The following GYG1 variants were observed in gnomAD, a reference collection of about 807,000 sequenced individuals.
The protein encoded by GYG1 is glycogenin 1, also known as glycogenin-1.
Under a neutral mutation model 41.9 loss-of-function variants are expected in GYG1, and 44 were observed. The ratio of observed to expected loss-of-function variants is 1.05; its 90% CI spans 0.83 to 1.35. The LOEUF (loss-of-function observed/expected upper bound fraction) is 1.35. Among genes scored for constraint, GYG1 ranks in the 40% most tolerant of loss-of-function variants. The pLI, the probability that GYG1 is intolerant of heterozygous loss-of-function variation, is 0.00. For missense variants in GYG1, 429 were observed against 418.9 expected (o/e 1.02, Z -0.21); for synonymous variants, 141 against 158.1 (o/e 0.89, Z 0.81).
chr3:149,030,661 C>T lies in GYG1; in HGVS notation c.*3728C>T, dbSNP rs936946059. The T allele has an allele frequency of 1.3e-5, 2 of 152,144 alleles. No homozygotes were observed. The highest frequency in any genetic ancestry group is 3.9e-4 in the East Asian group (2 of 5,194). 9.4% of individuals were successfully genotyped at this position (152,144 alleles called of 1,614,324 possible). A position where few individuals can be genotyped will look rare whatever the true frequency, so the allele number is the denominator to read the frequency against. ...ATGCTTGATCTACCAGGTAACTTCC[C>T]AACTGCTCCTAATGCTAGCGGGCTA... On this transcript the variant is annotated 3_prime_UTR_variant, in exon 8 of 8. Transcript: ENST00000345003.
chr3:149,025,294 C>T (rs1269212101), intron 6 of GYG1, among the ~76,000 whole-genome samples: 3 of 152,188 alleles, frequency 2.0e-5, no homozygotes, highest in Admixed American at 2.0e-4. Context: ...AAGGAGCACA[C>T]AACCTAGATC....
chr3:148,996,241 C>G, intron 2 of GYG1, 61 bp from the exon 3 acceptor site: 1 of 1,179,222 alleles, frequency 8.5e-7, no homozygotes, highest in Non-Finnish European at 1.3e-6. Flanking sequence ...AGTCTTACAG[C>G]AGATGGGTCA....
intron 4 of GYG1, chr3:149,003,965 C>T (rs1235545518): frequency 4.6e-5 from 7 of 152,188 alleles, no homozygotes; most frequent in Non-Finnish European, 8.8e-5. Context: ...AACAAATAGG[C>T]CCAGTTTCTG....
intron 5 of GYG1, among the ~76,000 whole-genome samples, chr3:149,016,393 A>G (rs1714044128): frequency 6.6e-6 from 1 of 152,150 alleles, no homozygotes; most frequent in African/African-American, 2.4e-5. Flanking sequence ...GAATGAATGA[A>G]TGAGCAATCA....
chr3:148,996,390 C>A lies in GYG1; in HGVS notation c.232C>A (p.Pro78Thr). 1 of 1,612,418 alleles carries A rather than the reference C, an allele frequency of 6.2e-7. No individual in the cohort carries two copies. The highest frequency in any genetic ancestry group is 8.5e-7 in the Non-Finnish European group (1 of 1,179,036). ...DSAHLTLMKR[P>T]ELGVTLTKLH... The stretch of plus-strand genomic sequence containing the variant: ...TGCTCATCTAACCTTAATGAAGAGG[C>A]CAGAGTTGGGTGTCACGCTGACAAA... Residue 78 changes from proline to threonine, a missense_variant, in exon 3 of 8, where the codon CCA becomes ACA. Physicochemically the swap from Pro to Thr is conservative, Grantham distance 38. Transcript: ENST00000345003.
chr3:148,996,542 A>G (rs966878191), intron 3 of GYG1, 66 bp downstream of exon 3: 25 of 1,382,962 alleles, frequency 1.8e-5, no homozygotes, highest in Admixed American at 8.4e-5. Context: ...ACCTGTAGGC[A>G]TTTGAGGAAT....
intron 4 of GYG1, 68 bp downstream of exon 4, chr3:148,996,972 G>A (rs1218269654): frequency 8.7e-7 from 1 of 1,154,298 alleles, no homozygotes; most frequent in Admixed American, 1.7e-5. Context: ...CTCTTCTCAG[G>A]AATATAATTG....
chr3:149,010,994 A>G (rs1009061486), intron 5 of GYG1, among the ~76,000 whole-genome samples: 1 of 152,186 alleles, frequency 6.6e-6, no homozygotes, highest in African/African-American at 2.4e-5. Context: ...TTTTCTGGGA[A>G]GACTCTATCA....
chr3:149,003,984 A>G (rs1207277627), intron 4 of GYG1: 3 of 152,254 alleles, frequency 2.0e-5, no homozygotes, highest in South Asian at 4.1e-4. Context: ...TGATAAATGC[A>G]TCCATGGTTA....
chr3:148,994,181 C>T lies in GYG1; in HGVS notation c.47C>T (p.Ala16Val). 6.2e-7 allele frequency: 1 copy of T among 1,613,846 alleles called. No homozygotes were observed. Residue 16 changes from alanine (A) to valine (V), a missense_variant, in exon 2 of 8, where the codon GCC (alanine) becomes GTC (valine). Physicochemically the swap from Ala to Val is moderately conservative, Grantham distance 64. Transcript: ENST00000345003. ...FVTLTTNDAY[A>V]KGALVLGSSL... ...ACACTAACCACAAACGATGCCTACGCCAAAGGTGCCCTGGTCCTGGGATCA... is the reference window on the plus strand; with the variant it reads ...ACACTAACCACAAACGATGCCTACGTCAAAGGTGCCCTGGTCCTGGGATCA...
At chr3:149,014,045 A>C (rs1426064958) in intron 5 of GYG1, among the ~76,000 whole-genome samples, 1 of 152,192 alleles carries the variant, frequency 6.6e-6, no homozygotes, top group African/African-American at 2.4e-5. Context: ...CTTGGAGTCT[A>C]ATCCACTTAG....
intron 5 of GYG1, among the ~76,000 whole-genome samples, chr3:149,019,585 G>C (rs1021637714): frequency 6.6e-6 from 1 of 152,200 alleles, no homozygotes; most frequent in African/African-American, 2.4e-5. Flanking sequence ...TCTATGAAAG[G>C]ACTATCCAGT....
intron 6 of GYG1, among the ~76,000 whole-genome samples, chr3:149,025,115 T>C (rs1231529726): frequency 2.6e-5 from 4 of 152,226 alleles, no homozygotes; most frequent in Admixed American, 2.6e-4. Flanking sequence ...GCATTCTTAC[T>C]CTGAGTTCTT....
chr3:148,996,954 A>T, intron 4 of GYG1, 50 bp downstream of exon 4: 1 of 1,349,716 alleles, frequency 7.4e-7, no homozygotes, highest in South Asian at 1.2e-5. Context: ...AGTAATTTCT[A>T]GGGGCTGCTC....
chr3:148,993,315 CG>C (rs1228925059), intron 1 of GYG1, among the ~76,000 whole-genome samples: 1 of 44,134 alleles, frequency 2.3e-5, no homozygotes, highest in African/African-American at 1.0e-4. Flanking sequence ...TTGGTTTGGG[CG>C]GGGGGAGGGG....
rs1468485978 is a variant in GYG1 at position 149,030,066 on chromosome 3, CAATT to C, written c.*3137_*3140del. Reference sequence around the variant, plus strand: ...ATGTAACACTTGCATAGAAATGTCACAATTAATGAAGGATTTTATTTGAAGATAA... The same window carrying C: ...ATGTAACACTTGCATAGAAATGTCACAATGAAGGATTTTATTTGAAGATAA... On this transcript the variant is annotated 3_prime_UTR_variant, in exon 8 of 8. Transcript: ENST00000345003. 6.6e-6 allele frequency: 1 copy of C among 152,092 alleles called. No homozygotes were observed. The highest frequency in any genetic ancestry group is 1.5e-5 in the Non-Finnish European group (1 of 68,002). The allele number at this position is 152,092 out of a possible 1,614,324, so 9.4% of individuals were successfully genotyped here. A position where few individuals can be genotyped will look rare whatever the true frequency, so the allele number is the denominator to read the frequency against.
chr3:148,996,739 C>G lies in GYG1; in HGVS notation c.319-3C>G. 6.2e-7 allele frequency: 1 copy of G among 1,612,870 alleles called. No individual in the cohort carries two copies. Among genetic ancestry groups the G allele is most frequent in the South Asian group, 1.1e-5 (1 of 91,068 alleles). ...TGTAATGCTCTTTCTCCCCTTTGAT[C>G]AGGTCCTAGCAAATATTGATGATCT... On this transcript the variant is annotated splice_polypyrimidine_tract_variant and splice_region_variant and intron_variant, in intron 3 of 7. Transcript: ENST00000345003.
intron 6 of GYG1, among the ~76,000 whole-genome samples, chr3:149,026,102 A>T (rs1189702201): frequency 2.0e-5 from 3 of 152,248 alleles, no homozygotes. Context: ...GCTTACGTAT[A>T]TACGTAATTA....
At chr3:149,025,402 G>A (rs757554215) in intron 6 of GYG1, among the ~76,000 whole-genome samples, 27 of 152,098 alleles carry the variant, frequency 1.8e-4, no homozygotes, top group Admixed American at 3.9e-4. Context: ...ATTCTTACTC[G>A]CCTGCCACTC....
Sources: gnomAD v4.1 joint callset for allele counts (sites outside exome capture counted in the v4.1 genomes callset) on GRCh38, gnomAD v4.1.1 for gene constraint, MANE v1.5 for transcripts, NCBI Gene and HGNC (gene_info 2026-07-23, HGNC 2026-07-21) for gene names.